ILDR1: variants seen among roughly 807,000 people sequenced by gnomAD.
ILDR1 encodes the protein immunoglobulin-like domain-containing receptor 1.
ILDR1 carries 56 observed loss-of-function variants against 62.4 expected under a neutral mutation model. That is an observed-to-expected ratio of 0.90 (90% CI 0.72 to 1.12). The LOEUF is 1.12. ILDR1 is among the 50% of genes most tolerant of loss of function. ILDR1 has a pLI of 0.00. For synonymous variants in ILDR1, 284 were observed against 277.8 expected (o/e 1.02, Z -0.22); for missense variants, 736 against 710.6 (o/e 1.04, Z -0.41).
At chr3:122,029,646 A>T in the ILDR1 span, among the ~76,000 whole-genome samples, 1 of 151,820 alleles carries the variant, frequency 6.6e-6, no homozygotes, top group African/African-American at 2.4e-5. Flanking sequence ...ATTTTTTTAC[A>T]AACATATGAA....
the ILDR1 span, among the ~76,000 whole-genome samples, chr3:122,041,602 T>C: frequency 4.6e-5 from 7 of 152,352 alleles, no homozygotes; most frequent in East Asian, 1.2e-3. Context: ...TTTGCAGTTT[T>C]CAGCATATAG....
intron 1 of ILDR1, among the ~76,000 whole-genome samples, chr3:122,018,479 C>T (rs568598941): frequency 1.4e-4 from 21 of 151,996 alleles, no homozygotes; most frequent in Non-Finnish European, 2.8e-4. Flanking sequence ...CACTATGGCA[C>T]GTGTATACCT....
rs143388590 is a variant in ILDR1, at chr3:121,994,024, C to T, written c.779-54G>A. 5,014 of 1,559,170 alleles carry T rather than the reference C, an allele frequency of 3.2e-3. 22 individuals are homozygous for T. Among genetic ancestry groups the T allele is most frequent in the Middle Eastern group, 8.5e-3 (51 of 5,988 alleles). The stretch of plus-strand genomic sequence containing the variant: ...AACAAATGGCCCAAAACATACACCT[C>T]AGAATCAGGACATCAAAATGTGACA... On this transcript the variant is annotated intron_variant, in intron 6 of 7. Transcript: ENST00000344209.
Position 121,990,471 on chromosome 3 carries a change from C to T in ILDR1, c.1600-2063G>A, listed in dbSNP as rs147406772. ...CAAAATCTTTGCTTCTTGGGAGTAA[C>T]TTTACAATTGAAAATTTGGTTTGGT... On this transcript the variant is annotated intron_variant, in intron 7 of 7. Transcript: ENST00000344209. 2.2e-3 allele frequency among the ~76,000 whole-genome samples: 331 copies of T among 152,282 alleles called. 3 individuals are homozygous for T. Among genetic ancestry groups the T allele is most frequent in the African/African-American group, 7.4e-3 (308 of 41,550 alleles).
upstream of ILDR1, among the ~76,000 whole-genome samples, chr3:122,027,185 CA>C (rs770388637): frequency 5.3e-5 from 8 of 152,092 alleles, no homozygotes; most frequent in South Asian, 8.3e-4. Flanking sequence ...TCAATGAAAA[CA>C]TTTTTTTTGT....
rs1191190158 is a variant in ILDR1, at chr3:122,005,899, C to CAAAACA, written c.230-512_230-507dup. ...GGGCAACAAGAGCGAAACTCCATCT[C>CAAAACA]AAAACAAAAACAAAAACAAAAACAA... On this transcript the variant is annotated intron_variant, in intron 2 of 7. Coordinates refer to ENST00000344209, the MANE Select transcript of ILDR1 (RefSeq NM_001199799.2). Among the ~76,000 whole-genome samples the CAAAACA allele has an allele frequency of 1.8e-4, 25 of 141,978 alleles. 1 individual carries two copies. Among genetic ancestry groups the CAAAACA allele is most frequent in the African/African-American group, 3.1e-4 (11 of 35,890 alleles). 93.1% of individuals were successfully genotyped at this position (141,978 alleles called of 152,430 possible).
chr3:122,005,440 CA>C (rs1480108068), intron 2 of ILDR1, 47 bp from the exon 3 acceptor site: 3 of 1,602,096 alleles, frequency 1.9e-6, no homozygotes, highest in Non-Finnish European at 2.6e-6. Context: ...AGGGGGTTCC[CA>C]CAAAAAAAAG....
the ILDR1 span, among the ~76,000 whole-genome samples, chr3:122,045,358 T>G: frequency 2.0e-5 from 3 of 151,248 alleles, no homozygotes; most frequent in African/African-American, 7.3e-5. Context: ...AATTTTGGAA[T>G]AGGTGTGGTG....
At chr3:121,999,859 G>A (rs909272892) in intron 5 of ILDR1, among the ~76,000 whole-genome samples, 6 of 151,992 alleles carry the variant, frequency 3.9e-5, no homozygotes, top group African/African-American at 1.2e-4. Flanking sequence ...ATCTTCCCAG[G>A]TACAGAACAA....
At chr3:122,000,914 A>G (rs2071513849) in intron 5 of ILDR1, among the ~76,000 whole-genome samples, 1 of 152,332 alleles carries the variant, frequency 6.6e-6, no homozygotes, top group East Asian at 1.9e-4. Flanking sequence ...AGGAAAAAAC[A>G]GTTTTGTTTT....
chr3:122,052,706 T>C, the ILDR1 span, among the ~76,000 whole-genome samples: 2 of 152,214 alleles, frequency 1.3e-5, no homozygotes, highest in African/African-American at 4.8e-5. Context: ...TCCAAGTAGC[T>C]GGGAGGAATG....
chr3:122,019,554 G>A (rs539788005), intron 1 of ILDR1, among the ~76,000 whole-genome samples: 2 of 152,138 alleles, frequency 1.3e-5, no homozygotes, highest in Non-Finnish European at 2.9e-5. Flanking sequence ...AGGAAAAGGT[G>A]GGGGAGTAGA....
the ILDR1 span, among the ~76,000 whole-genome samples, chr3:122,037,879 G>A: frequency 6.6e-6 from 1 of 152,196 alleles, no homozygotes; most frequent in South Asian, 2.1e-4. Context: ...GATATTGAAT[G>A]AGTTCTCATG....
upstream of ILDR1, among the ~76,000 whole-genome samples, chr3:122,022,611 C>T (rs2071878295): frequency 6.6e-6 from 1 of 152,128 alleles, no homozygotes; most frequent in East Asian, 1.9e-4. Context: ...TTCAGATTTT[C>T]TAGGAAATAA....
At chr3:122,021,887 C>T (rs1298278220) in intron 1 of ILDR1, 133 bp downstream of exon 1, 10 of 792,934 alleles carry the variant, frequency 1.3e-5, no homozygotes, top group Admixed American at 4.5e-5. Context: ...CACCTCCTGG[C>T]GCCCATGCCA....
chr3:122,036,074 G>T, the ILDR1 span, among the ~76,000 whole-genome samples: 7 of 152,192 alleles, frequency 4.6e-5, no homozygotes, highest in Non-Finnish European at 7.3e-5. Flanking sequence ...TTGGGAACTG[G>T]AGTAAAGGTC....
At chr3:122,016,942 A>T (rs1267431929) in intron 1 of ILDR1, among the ~76,000 whole-genome samples, 1 of 152,224 alleles carries the variant, frequency 6.6e-6, no homozygotes, top group Non-Finnish European at 1.5e-5. Flanking sequence ...AGAAATAAAG[A>T]AAGTGTCAAA....
chr3:122,030,414 T>G, the ILDR1 span, among the ~76,000 whole-genome samples: 1 of 151,900 alleles, frequency 6.6e-6, no homozygotes, highest in Non-Finnish European at 1.5e-5. Context: ...GCTTCTCCCC[T>G]TCCCTGTCAT....
chr3:122,000,204 C>T (rs1385573303), intron 5 of ILDR1, among the ~76,000 whole-genome samples: 1 of 147,422 alleles, frequency 6.8e-6, no homozygotes, highest in East Asian at 2.0e-4. Context: ...CTGCCCCAGA[C>T]AGGTTGAGTC....
Sources: gnomAD v4.1 joint callset for allele counts (sites outside exome capture counted in the v4.1 genomes callset) on GRCh38, gnomAD v4.1.1 for gene constraint, MANE v1.5 for transcripts, NCBI Gene and HGNC (gene_info 2026-07-23, HGNC 2026-07-21) for gene names.